Variants in PCDH15 observed in about 807,000 individuals in gnomAD.
PCDH15 encodes protocadherin related 15.
PCDH15 carries 129 observed loss-of-function variants against 178.5 expected under a neutral mutation model. The observed-to-expected ratio is 0.72, with a 90% confidence interval of 0.63 to 0.84. PCDH15 has a LOEUF of 0.84. Ranked by LOEUF, PCDH15 falls within the 40% of genes least tolerant of loss-of-function variation. The probability of loss-of-function intolerance (pLI) is 0.00; values close to 1 mark genes in which losing one functional copy is unlikely to be tolerated. For synonymous variants in PCDH15, 800 were observed against 732.0 expected (o/e 1.09, Z -1.50); for missense variants, 2,230 against 2,099.9 (o/e 1.06, Z -1.21).
chr10:54,591,973 A>G (rs780150040), intron 2 of PCDH15, among the ~76,000 whole-genome samples: 13 of 152,116 alleles, frequency 8.5e-5, no homozygotes, highest in Non-Finnish European at 1.8e-4. Flanking sequence ...TACAATGACA[A>G]TGCTCCATGG....
At position 53,886,226 on chromosome 10, in the gene PCDH15, A is replaced by C. The variant is rs565649435; in HGVS notation, c.3501+17017T>G. Among the ~76,000 whole-genome samples, 118 of 152,276 alleles carry C rather than the reference A, an allele frequency of 7.7e-4. 1 individual carries two copies. In the South Asian group the frequency reaches 0.023, roughly 30 times the overall value. Reference sequence around the variant, plus strand: ...GTGCTTTATGTGCATTTTCTCATTTATATTCAGATAAAATTCATTAGCTAG... The same window carrying C: ...GTGCTTTATGTGCATTTTCTCATTTCTATTCAGATAAAATTCATTAGCTAG... On this transcript the variant is annotated intron_variant, in intron 26 of 37. Transcript: ENST00000644397.
intron 2 of PCDH15, among the ~76,000 whole-genome samples, chr10:55,577,736 C>G (rs1842523709): frequency 6.6e-6 from 1 of 152,122 alleles, no homozygotes; most frequent in African/African-American, 2.4e-5. Flanking sequence ...ATGTTAAATT[C>G]ACCTTGGTGA....
intron 1 of PCDH15, among the ~76,000 whole-genome samples, chr10:54,753,866 T>TG (rs1491521480): frequency 1.1e-5 from 1 of 91,982 alleles, no homozygotes. Flanking sequence ...ATTGTTTTTT[T>TG]TTTGTTGTTG....
intron 11 of PCDH15, 29 bp from the exon 12 acceptor site, chr10:54,185,297 C>T (rs774933041): frequency 3.2e-5 from 51 of 1,611,992 alleles, no homozygotes; most frequent in South Asian, 5.5e-5. Context: ...TCGTTTCAAA[C>T]GTTGAATAAA....
chr10:54,538,101 A>G (rs1186543304), intron 2 of PCDH15, among the ~76,000 whole-genome samples: 2 of 152,198 alleles, frequency 1.3e-5, no homozygotes, highest in African/African-American at 4.8e-5. Flanking sequence ...TCTGTCGGGC[A>G]GAAGCTCTTT....
At chr10:54,980,860 G>A (rs186525930) in intron 2 of PCDH15, among the ~76,000 whole-genome samples, 1 of 151,906 alleles carries the variant, frequency 6.6e-6, no homozygotes, top group East Asian at 1.9e-4. Flanking sequence ...TTTTTTCAGA[G>A]TAGAGAAATT....
chr10:54,587,900 T>C (rs576583965), intron 2 of PCDH15, among the ~76,000 whole-genome samples: 1 of 152,348 alleles, frequency 6.6e-6, no homozygotes, highest in Non-Finnish European at 1.5e-5. Flanking sequence ...TTTAATTCTT[T>C]TATTCCCAGT....
At chr10:54,541,585 C>A (rs1352447390) in intron 2 of PCDH15, among the ~76,000 whole-genome samples, 1 of 151,940 alleles carries the variant, frequency 6.6e-6, no homozygotes, top group Non-Finnish European at 1.5e-5. Context: ...TCCAAAAGAA[C>A]TTTTCTGTTA....
At chr10:54,145,720 G>C (rs12244586) in intron 14 of PCDH15, among the ~76,000 whole-genome samples, 2,345 of 152,162 alleles carry the variant, frequency 0.015, 76 homozygotes, top group African/African-American at 0.054. Context: ...GAACTAAAGA[G>C]AAGGGTGTAA....
At chr10:54,722,568 G>A (rs72794552) in intron 1 of PCDH15, among the ~76,000 whole-genome samples, 17,949 of 141,994 alleles carry the variant, frequency 0.13, 1,213 homozygotes, top group African/African-American at 0.17. Context: ...AAAAGGCATT[G>A]CAATTGGGAC....
chr10:54,470,653 C>T (rs1401405543), intron 3 of PCDH15, among the ~76,000 whole-genome samples: 1 of 152,140 alleles, frequency 6.6e-6, no homozygotes, highest in Non-Finnish European at 1.5e-5. Flanking sequence ...TTTCAGGAAT[C>T]TGCTGTGGAA....
intron 3 of PCDH15, among the ~76,000 whole-genome samples, chr10:54,502,413 C>G (rs1930143): frequency 0.23 from 35,248 of 151,950 alleles, 4,367 homozygotes; most frequent in Admixed American, 0.35. Flanking sequence ...TTAAATAGGC[C>G]AAACTTTCTC....
chr10:53,958,011 G>C (rs929522827), intron 23 of PCDH15, among the ~76,000 whole-genome samples: 1 of 151,932 alleles, frequency 6.6e-6, no homozygotes, highest in East Asian at 1.9e-4. Flanking sequence ...TCTTCTAAAC[G>C]CAGCTTTGTA....
At chr10:55,025,848 C>T (rs7893201) in intron 2 of PCDH15, among the ~76,000 whole-genome samples, 86,410 of 151,548 alleles carry the variant, frequency 0.57, 24,952 homozygotes, top group East Asian at 0.75. Context: ...AAGGTTCCTG[C>T]GATTGAGGTA....
In PCDH15 at chr10:53,888,322, G is replaced by GTA. The variant is rs1491168173; in HGVS notation, c.3501+14919_3501+14920dup. Among the ~76,000 whole-genome samples, 5 of 34,102 alleles carry GTA rather than the reference G, an allele frequency of 1.5e-4. 1 individual carries two copies. The highest frequency in any genetic ancestry group is 5.1e-4 in the African/African-American group (4 of 7,838). The allele number at this position is 34,102 out of a possible 152,430, so 22.4% of individuals were successfully genotyped here. A position where few individuals can be genotyped will look rare whatever the true frequency, so the allele number is the denominator to read the frequency against. ...TATATATATATATGTATATATGTAC[G>GTA]TATATATATGTACGTATATATATAT... is the stretch of plus-strand genomic sequence containing the variant. On this transcript the variant is annotated intron_variant, in intron 26 of 37. Transcript: ENST00000644397.
intron 21 of PCDH15, among the ~76,000 whole-genome samples, chr10:53,968,681 T>C (rs1380627493): frequency 6.6e-6 from 1 of 151,810 alleles, no homozygotes; most frequent in Non-Finnish European, 1.5e-5. Context: ...GGCAGCAACA[T>C]TTGCCATTCT....
At chr10:53,965,248 T>C (rs536617676) in intron 21 of PCDH15, among the ~76,000 whole-genome samples, 12 of 152,118 alleles carry the variant, frequency 7.9e-5, no homozygotes, top group African/African-American at 2.2e-4. Flanking sequence ...TTAGTAGAGA[T>C]AGGGTTTCAC....
At chr10:54,834,194 CTT>C (rs1318880018) in intron 3 of PCDH15, among the ~76,000 whole-genome samples, 7 of 143,788 alleles carry the variant, frequency 4.9e-5, no homozygotes, top group Non-Finnish European at 3.1e-5. Context: ...TTTTTACTAC[CTT>C]TTTTTTTTTT....
At chr10:54,047,484 T>A (rs1312746845) in intron 18 of PCDH15, among the ~76,000 whole-genome samples, 1 of 152,040 alleles carries the variant, frequency 6.6e-6, no homozygotes, top group Non-Finnish European at 1.5e-5. Flanking sequence ...TGCTGATATC[T>A]GGGGTACTAA....
Sources: allele counts gnomAD v4.1 joint callset (sites outside exome capture counted in the v4.1 genomes callset), GRCh38; gene constraint gnomAD v4.1.1; transcripts MANE v1.5; gene names NCBI Gene and HGNC (gene_info 2026-07-23, HGNC 2026-07-21).